The following SOS2 variants were observed in gnomAD, a reference collection of about 807,000 sequenced individuals.
The protein encoded by SOS2 is son of sevenless homolog 2.
SOS2 carries 65 observed loss-of-function variants against 148.2 expected under a neutral mutation model. The ratio of observed to expected loss-of-function variants is 0.44; its 90% confidence interval spans 0.36 to 0.54. The LOEUF (loss-of-function observed/expected upper bound fraction) is 0.54. Ranked by LOEUF, SOS2 falls within the 20% of genes least tolerant of loss-of-function variation. The pLI, the probability that SOS2 is intolerant of heterozygous loss-of-function variation, is 0.00. For missense variants in SOS2, 1,341 were observed against 1,590.2 expected (o/e 0.84, Z 2.67); for synonymous variants, 539 against 537.1 (o/e 1.00, Z -0.05).
chr14:50,144,693 C>G (rs1884409844), intron 16 of SOS2, among the ~76,000 whole-genome samples: 1 of 152,190 alleles, frequency 6.6e-6, no homozygotes, highest in African/African-American at 2.4e-5. Flanking sequence ...CCGCCTCAGC[C>G]TCCTAAAGTG....
intron 6 of SOS2, among the ~76,000 whole-genome samples, chr14:50,181,110 C>T (rs1885720799): frequency 6.6e-6 from 1 of 152,094 alleles, no homozygotes. Flanking sequence ...TGTATCTAGT[C>T]TTTAGCACTA....
intron 4 of SOS2, among the ~76,000 whole-genome samples, chr14:50,197,113 A>C (rs541228690): frequency 3.9e-5 from 6 of 152,270 alleles, no homozygotes; most frequent in Admixed American, 2.6e-4. Context: ...TCAGCCTCCC[A>C]AAGTGCTGGG....
Position 50,160,429 on chromosome 14 carries a change from C to T in SOS2, c.1197-343G>A, listed in dbSNP as rs183714260. Among the ~76,000 whole-genome samples, 485 of 119,052 alleles carry T rather than the reference C, an allele frequency of 4.1e-3. 1 individual carries two copies. The highest frequency in any genetic ancestry group is 0.015 in the African/African-American group (466 of 30,304). 78.1% of individuals were successfully genotyped at this position (119,052 alleles called of 152,430 possible). The stretch of plus-strand genomic sequence containing the variant: ...TTTTTTTTTTGGAGCTCTTGTCCCC[C>T]AGGCTGGAATGCAATGGCACGATCT... On this transcript the variant is annotated intron_variant, in intron 9 of 22. Transcript: ENST00000216373.
At chr14:50,211,238 T>C (rs1488945708) in intron 1 of SOS2, among the ~76,000 whole-genome samples, 1 of 152,208 alleles carries the variant, frequency 6.6e-6, no homozygotes, top group Non-Finnish European at 1.5e-5. Context: ...TTATGACACA[T>C]GCTGAAATGA....
chr14:50,156,356 C>T (rs1884820624), intron 12 of SOS2: 1 of 151,962 alleles, frequency 6.6e-6, no homozygotes, highest in Non-Finnish European at 1.5e-5. Context: ...ATTACTTCAC[C>T]TTGCTAGGTT....
chr14:50,170,370 T>C (rs1885321695), intron 8 of SOS2, among the ~76,000 whole-genome samples: 1 of 152,122 alleles, frequency 6.6e-6, no homozygotes, highest in Non-Finnish European at 1.5e-5. Flanking sequence ...AGTAACTTTA[T>C]AACATAATTC....
chr14:50,218,517 C>CA (rs765965917), intron 1 of SOS2, among the ~76,000 whole-genome samples: 2 of 151,254 alleles, frequency 1.3e-5, no homozygotes, highest in Non-Finnish European at 2.9e-5. Flanking sequence ...AGCAAGACTC[C>CA]ATCCCCCCAA....
chr14:50,131,891 G>A (rs562455924), intron 19 of SOS2, among the ~76,000 whole-genome samples: 17 of 152,218 alleles, frequency 1.1e-4, no homozygotes, highest in African/African-American at 3.4e-4. Context: ...TAATTGAAGA[G>A]GACCTATGAT....
chr14:50,153,313 T>C (rs1328180443), intron 12 of SOS2, 140 bp from the exon 13 acceptor site: 4 of 477,604 alleles, frequency 8.4e-6, no homozygotes, highest in Non-Finnish European at 1.5e-5. Context: ...ATTTAATTAA[T>C]ACTTTAAATG....
At chr14:50,202,432 G>C (rs1434532512) in intron 2 of SOS2, among the ~76,000 whole-genome samples, 2 of 152,190 alleles carry the variant, frequency 1.3e-5, no homozygotes, top group Admixed American at 1.3e-4. Context: ...TTTATTTCAT[G>C]TTCAAAACTA....
intron 14 of SOS2, among the ~76,000 whole-genome samples, chr14:50,146,188 G>C (rs1054633950): frequency 3.3e-5 from 5 of 151,066 alleles, no homozygotes; most frequent in African/African-American, 1.2e-4. Context: ...ATTCCAAATG[G>C]ATAAAAATAT....
chr14:50,195,816 G>GTC, intron 4 of SOS2, among the ~76,000 whole-genome samples: 1 of 152,152 alleles, frequency 6.6e-6, no homozygotes, highest in East Asian at 1.9e-4. Flanking sequence ...AGATCACAAG[G>GTC]TCAGGAGTTC....
At chr14:50,165,387 G>A (rs1049452013) in intron 8 of SOS2, among the ~76,000 whole-genome samples, 11 of 151,850 alleles carry the variant, frequency 7.2e-5, no homozygotes, top group African/African-American at 2.2e-4. Flanking sequence ...CATGACTCCC[G>A]CAAATAAATA....
chr14:50,192,578 C>G (rs1020149145), intron 4 of SOS2, among the ~76,000 whole-genome samples: 2 of 151,172 alleles, frequency 1.3e-5, no homozygotes, highest in East Asian at 3.9e-4. Context: ...AAAACAAAAA[C>G]AAAGGCCAGG....
At chr14:50,180,706 G>C in intron 6 of SOS2, 24 bp from the exon 7 acceptor site, 1 of 1,285,544 alleles carries the variant, frequency 7.8e-7, no homozygotes. Flanking sequence ...AAGAGAAAAA[G>C]CATTAGGTTT....
chr14:50,213,479 C>G (rs1886949303), intron 1 of SOS2, among the ~76,000 whole-genome samples: 1 of 152,060 alleles, frequency 6.6e-6, no homozygotes, highest in Admixed American at 6.6e-5. Context: ...GGGGGTGGAT[C>G]ACTTGAGGCC....
chr14:50,142,120 G>C (rs1884315017), intron 16 of SOS2, among the ~76,000 whole-genome samples: 1 of 150,960 alleles, frequency 6.6e-6, no homozygotes, highest in Admixed American at 6.6e-5. Context: ...TGATTCTCCT[G>C]CCTCAGCCTC....
chr14:50,140,900 T>A lies in SOS2; in HGVS notation c.2668-841A>T, dbSNP rs1884252567. 2.0e-5 allele frequency among the ~76,000 whole-genome samples: 3 copies of A among 151,970 alleles called. No homozygotes were observed. In the South Asian group the frequency reaches 6.2e-4, roughly 32 times the overall value. ...TTTCTAGATATCATCAATAAAGAAA[T>A]CAGGATTTAAAAAAAATTCTGAGGC... On this transcript the variant is annotated intron_variant, in intron 16 of 22. Transcript: ENST00000216373.
At chr14:50,187,931 T>A (rs1157722994) in intron 5 of SOS2, among the ~76,000 whole-genome samples, 1 of 152,168 alleles carries the variant, frequency 6.6e-6, no homozygotes, top group Admixed American at 6.6e-5. Context: ...CACCTCCAAA[T>A]GAATGACTCT....
Sources: gnomAD v4.1 joint callset for allele counts (sites outside exome capture counted in the v4.1 genomes callset) on GRCh38, gnomAD v4.1.1 for gene constraint, MANE v1.5 for transcripts, NCBI Gene and HGNC (gene_info 2026-07-23, HGNC 2026-07-21) for gene names.